ZNF385B: variants seen among roughly 807,000 people sequenced by gnomAD.
The protein encoded by ZNF385B is zinc finger protein 533.
ZNF385B carries 23 observed loss-of-function variants against 39.2 expected under a neutral mutation model. That is an observed-to-expected ratio of 0.59 (90% confidence interval 0.42 to 0.83). The LOEUF (loss-of-function observed/expected upper bound fraction) is 0.83. Ranked by LOEUF, ZNF385B falls within the 40% of genes least tolerant of loss-of-function variation. ZNF385B has a pLI of 0.00. For synonymous variants in ZNF385B, 205 were observed against 222.6 expected (o/e 0.92, Z 0.70); for missense variants, 552 against 598.9 (o/e 0.92, Z 0.82).
At chr2:179,778,433 G>A (rs1704470692) in intron 1 of ZNF385B, among the ~76,000 whole-genome samples, 1 of 152,200 alleles carries the variant, frequency 6.6e-6, no homozygotes, top group African/African-American at 2.4e-5. Context: ...CTTCCTGGGA[G>A]GTGGGACCGA....
intron 3 of ZNF385B, among the ~76,000 whole-genome samples, chr2:179,669,128 T>C (rs745730190): frequency 1.3e-5 from 2 of 152,210 alleles, no homozygotes; most frequent in Non-Finnish European, 2.9e-5. Context: ...GTTCTATCTG[T>C]ATTAACTAAT....
At chr2:179,602,066 CTT>C (rs547570404) in intron 3 of ZNF385B, among the ~76,000 whole-genome samples, 115 of 152,120 alleles carry the variant, frequency 7.6e-4, no homozygotes, top group Non-Finnish European at 1.4e-3. Context: ...TTAAATGTCT[CTT>C]TGTAGTATAT....
At chr2:179,765,965 A>T (rs1703664872) in intron 3 of ZNF385B, among the ~76,000 whole-genome samples, 1 of 151,342 alleles carries the variant, frequency 6.6e-6, no homozygotes, top group African/African-American at 2.4e-5. Flanking sequence ...GGCTAGGGAG[A>T]CACTGCTGGG....
chr2:179,818,501 T>G (rs1416113058), intron 1 of ZNF385B, among the ~76,000 whole-genome samples: 1 of 152,266 alleles, frequency 6.6e-6, no homozygotes, highest in Non-Finnish European at 1.5e-5. Flanking sequence ...AACATCATTT[T>G]ATTTTAAATT....
intron 3 of ZNF385B, among the ~76,000 whole-genome samples, chr2:179,611,596 G>C (rs1689295329): frequency 6.6e-6 from 1 of 152,110 alleles, no homozygotes; most frequent in Non-Finnish European, 1.5e-5. Context: ...TATTTGTTTT[G>C]AATAGTTTGA....
At chr2:179,553,602 G>A (rs2105933715) in intron 3 of ZNF385B, among the ~76,000 whole-genome samples, 1 of 148,952 alleles carries the variant, frequency 6.7e-6, no homozygotes, top group African/African-American at 2.5e-5. Flanking sequence ...AAATCACTCA[G>A]TATGTGGCAG....
chr2:179,657,520 T>G (rs1693928470), intron 3 of ZNF385B, among the ~76,000 whole-genome samples: 1 of 152,232 alleles, frequency 6.6e-6, no homozygotes, highest in Non-Finnish European at 1.5e-5. Flanking sequence ...CAAAATGGTC[T>G]TAACCATTGA....
intron 5 of ZNF385B, among the ~76,000 whole-genome samples, chr2:179,493,747 G>GTGTATATACATATATGTATACATATA (rs2055732151): frequency 2.0e-5 from 2 of 98,170 alleles, no homozygotes; most frequent in African/African-American, 3.8e-5. Context: ...GTATACATAT[G>GTGTATATACATATATGTATACATATA]TGTATATACA....
At chr2:179,724,898 A>G (rs1575350837) in intron 3 of ZNF385B, among the ~76,000 whole-genome samples, 1 of 152,268 alleles carries the variant, frequency 6.6e-6, no homozygotes, top group East Asian at 1.9e-4. Context: ...ATAGAAATTA[A>G]TGTAAGATTT....
intron 4 of ZNF385B, among the ~76,000 whole-genome samples, chr2:179,524,551 C>CAAAAAAAAAAAAAAAAA (rs770219234): frequency 4.9e-5 from 3 of 60,990 alleles, no homozygotes; most frequent in African/African-American, 2.3e-4. Context: ...GACTCCGTCT[C>CAAAAAAAAAAAAAAAAA]AAAAAAAAAA....
intron 1 of ZNF385B, among the ~76,000 whole-genome samples, chr2:179,777,000 A>T (rs948830291): frequency 6.6e-6 from 1 of 152,058 alleles, no homozygotes; most frequent in African/African-American, 2.4e-5. Context: ...CTTTGACAAA[A>T]TAAAATAAGT....
chr2:179,674,484 C>G (rs1183417387), intron 3 of ZNF385B, among the ~76,000 whole-genome samples: 1 of 152,132 alleles, frequency 6.6e-6, no homozygotes, highest in East Asian at 1.9e-4. Context: ...GAAACCTTCA[C>G]CTGATACTGA....
At chr2:179,814,064 G>A (rs1706903073) in intron 1 of ZNF385B, among the ~76,000 whole-genome samples, 1 of 152,266 alleles carries the variant, frequency 6.6e-6, no homozygotes, top group Non-Finnish European at 1.5e-5. Context: ...TTAACAACAT[G>A]TGGAAAGTGT....
chr2:179,772,127 A>G (rs1181312196), intron 1 of ZNF385B, among the ~76,000 whole-genome samples: 3 of 152,170 alleles, frequency 2.0e-5, no homozygotes, highest in African/African-American at 7.2e-5. Context: ...AAATAAAGCC[A>G]TGTTACCTGT....
At chr2:179,582,986 A>G (rs149264826) in intron 3 of ZNF385B, among the ~76,000 whole-genome samples, 68 of 152,258 alleles carry the variant, frequency 4.5e-4, no homozygotes, top group African/African-American at 1.6e-3. Flanking sequence ...ATTATCTGGG[A>G]TTACAGGCAT....
At chr2:179,496,307 G>T (rs936165163) in intron 5 of ZNF385B, among the ~76,000 whole-genome samples, 2 of 151,734 alleles carry the variant, frequency 1.3e-5, no homozygotes, top group African/African-American at 4.8e-5. Context: ...ACAGAAAAAA[G>T]AATTAAAAAA....
chr2:179,760,806 T>C (rs1280313493), intron 3 of ZNF385B, among the ~76,000 whole-genome samples: 1 of 152,176 alleles, frequency 6.6e-6, no homozygotes, highest in African/African-American at 2.4e-5. Context: ...AAGCAGAGAC[T>C]GGAGTGATGC....
chr2:179,443,844 T>C (rs2049200365), intron 9 of ZNF385B, among the ~76,000 whole-genome samples: 1 of 152,214 alleles, frequency 6.6e-6, no homozygotes, highest in Non-Finnish European at 1.5e-5. Flanking sequence ...ACTTTTGTTT[T>C]GTTTTTTGAG....
At chr2:179,748,417 A>G (rs1475236065) in intron 3 of ZNF385B, among the ~76,000 whole-genome samples, 2 of 152,156 alleles carry the variant, frequency 1.3e-5, no homozygotes, top group East Asian at 1.9e-4. Context: ...GGACACATGT[A>G]TTTCAGAGGG....
Sources: allele counts gnomAD v4.1 joint callset (sites outside exome capture counted in the v4.1 genomes callset), GRCh38; gene constraint gnomAD v4.1.1; transcripts MANE v1.5; gene names NCBI Gene and HGNC (gene_info 2026-07-23, HGNC 2026-07-21).